CACNA2D1: variants seen among roughly 807,000 people sequenced by gnomAD.
CACNA2D1 encodes voltage-dependent calcium channel subunit alpha-2/delta-1.
CACNA2D1 carries 53 observed loss-of-function variants against 171.5 expected under a neutral mutation model. The observed-to-expected ratio is 0.31, with a 90% confidence interval of 0.25 to 0.39. The LOEUF (loss-of-function observed/expected upper bound fraction) is 0.39. Ranked by LOEUF, CACNA2D1 falls within the 10% of genes least tolerant of loss-of-function variation. CACNA2D1 has a pLI of 1.00. For synonymous variants in CACNA2D1, 442 were observed against 443.1 expected (o/e 1.00, Z 0.03); for missense variants, 903 against 1,299.8 (o/e 0.69, Z 4.69).
intron 1 of CACNA2D1, among the ~76,000 whole-genome samples, chr7:82,405,996 C>T (rs920534698): frequency 2.4e-4 from 37 of 152,006 alleles, no homozygotes; most frequent in African/African-American, 8.9e-4. Context: ...CCCATTAACT[C>T]GTCATTTAAC....
At chr7:82,220,266 G>A (rs1220673050) in intron 3 of CACNA2D1, among the ~76,000 whole-genome samples, 2 of 152,064 alleles carry the variant, frequency 1.3e-5, no homozygotes. Context: ...ATAGATTGAC[G>A]GTAATTATTT....
intron 3 of CACNA2D1, among the ~76,000 whole-genome samples, chr7:82,176,756 G>T (rs4732431): frequency 6.6e-6 from 1 of 151,312 alleles, no homozygotes; most frequent in Admixed American, 6.6e-5. Flanking sequence ...ACTAAGGCTC[G>T]TTATATGCAA....
At chr7:82,342,041 G>C (rs1276469262) in intron 2 of CACNA2D1, among the ~76,000 whole-genome samples, 1 of 119,252 alleles carries the variant, frequency 8.4e-6, no homozygotes, top group Non-Finnish European at 1.6e-5. Flanking sequence ...GCTACAGCGC[G>C]AGACTCCGTC....
chr7:82,189,714 G>C (rs1302524282), intron 3 of CACNA2D1, among the ~76,000 whole-genome samples: 1 of 151,764 alleles, frequency 6.6e-6, no homozygotes, highest in African/African-American at 2.4e-5. Flanking sequence ...AAAAGAGCTT[G>C]ACACAGAAAA....
In CACNA2D1 at chr7:82,114,760, GAAA is replaced by G. The variant is rs34240770; in HGVS notation, c.526+2281_526+2283del. On this transcript the variant is annotated intron_variant, in intron 6 of 38. Coordinates refer to ENST00000356860, the MANE Select transcript of CACNA2D1 (RefSeq NM_000722.4). Reference sequence around the variant, plus strand: ...AAGGGAGTGAGACTCCGTCCCAGAAGAAAAAAAAAAAAAAAAAAAGAAACAGAA... The same window carrying G: ...AAGGGAGTGAGACTCCGTCCCAGAAGAAAAAAAAAAAAAAAAGAAACAGAA... Among the ~76,000 whole-genome samples, 122 of 103,084 alleles carry G rather than the reference GAAA, an allele frequency of 1.2e-3. 1 individual carries two copies. In the South Asian group the frequency reaches 0.035, roughly 29 times the overall value. The allele number at this position is 103,084 out of a possible 152,430, so 67.6% of individuals were successfully genotyped here. A position where few individuals can be genotyped will look rare whatever the true frequency, so the allele number is the denominator to read the frequency against.
chr7:82,075,214 A>G (rs1563006018), intron 7 of CACNA2D1, among the ~76,000 whole-genome samples: 2 of 92,742 alleles, frequency 2.2e-5, no homozygotes, highest in African/African-American at 2.9e-5. Context: ...ATAAATCACC[A>G]TAATTAAAAA....
chr7:82,100,386 C>A (rs1198528341), intron 6 of CACNA2D1, among the ~76,000 whole-genome samples: 2 of 151,954 alleles, frequency 1.3e-5, no homozygotes, highest in Non-Finnish European at 2.9e-5. Flanking sequence ...AATTCACATC[C>A]TTTATTAAAA....
At chr7:82,147,093 CA>C (rs1008295454) in intron 4 of CACNA2D1, among the ~76,000 whole-genome samples, 26 of 140,170 alleles carry the variant, frequency 1.9e-4, no homozygotes, top group African/African-American at 3.2e-4. Context: ...TCATAACAGT[CA>C]AAAAAAAAGT....
At chr7:82,054,192 G>T (rs1805537090) in intron 10 of CACNA2D1, among the ~76,000 whole-genome samples, 1 of 152,118 alleles carries the variant, frequency 6.6e-6, no homozygotes, top group African/African-American at 2.4e-5. Flanking sequence ...TTCATTCAAA[G>T]CTTGCTTAAT....
At chr7:82,302,592 T>C (rs1009389062) in intron 3 of CACNA2D1, among the ~76,000 whole-genome samples, 2 of 152,012 alleles carry the variant, frequency 1.3e-5, no homozygotes, top group East Asian at 1.9e-4. Context: ...TTTGTATTTT[T>C]AGTAGAGATA....
rs1431276071 is a variant in CACNA2D1, at chr7:82,116,982, T to C, written c.526+62A>G. 8 of 1,574,798 alleles carry C rather than the reference T, an allele frequency of 5.1e-6. No individual in the cohort carries two copies. In the South Asian group the frequency reaches 5.5e-5, roughly 11 times the overall value. ...TGCTCTTTTTTTTCCCCCTCAAACA[T>C]GGGAAACATAAGACAGGCGAGAGCA... is the stretch of plus-strand genomic sequence containing the variant. On this transcript the variant is annotated intron_variant, in intron 6 of 38. Coordinates refer to ENST00000356860, the MANE Select transcript of CACNA2D1 (RefSeq NM_000722.4).
At chr7:82,200,636 T>C (rs1256852355) in intron 3 of CACNA2D1, among the ~76,000 whole-genome samples, 1 of 152,212 alleles carries the variant, frequency 6.6e-6, no homozygotes, top group East Asian at 1.9e-4. Flanking sequence ...ATCCTTTACT[T>C]TGATCCTTCA....
intron 15 of CACNA2D1, 45 bp downstream of exon 15, chr7:82,012,109 T>G (rs1292526691): frequency 9.1e-7 from 1 of 1,096,354 alleles, no homozygotes; most frequent in Admixed American, 1.7e-5. Context: ...ATCATCTGTG[T>G]GCTTTTGTTA....
chr7:82,372,885 T>G (rs4732445), intron 1 of CACNA2D1, among the ~76,000 whole-genome samples: 45 of 151,990 alleles, frequency 3.0e-4, no homozygotes, highest in Admixed American at 3.0e-3. Context: ...ATTAATAATA[T>G]GAATAAACAC....
At chr7:82,008,531 T>C (rs1799382797) in intron 15 of CACNA2D1, among the ~76,000 whole-genome samples, 1 of 152,072 alleles carries the variant, frequency 6.6e-6, no homozygotes, top group East Asian at 1.9e-4. Flanking sequence ...CAAGTCAGAG[T>C]TTGCTTTTGT....
At chr7:82,318,876 GGGA>G (rs1370575607) in intron 3 of CACNA2D1, among the ~76,000 whole-genome samples, 2 of 139,334 alleles carry the variant, frequency 1.4e-5, no homozygotes, top group South Asian at 2.3e-4. Flanking sequence ...CAGAGGAAGA[GGGA>G]GAAGAAGAAG....
At chr7:82,109,917 A>C (rs1788176590) in intron 6 of CACNA2D1, among the ~76,000 whole-genome samples, 1 of 152,160 alleles carries the variant, frequency 6.6e-6, no homozygotes, top group Non-Finnish European at 1.5e-5. Context: ...GTTAGGTTCT[A>C]TATTCTTGTC....
chr7:82,078,559 C>T (rs1291797742), intron 7 of CACNA2D1, among the ~76,000 whole-genome samples: 1 of 152,150 alleles, frequency 6.6e-6, no homozygotes, highest in Non-Finnish European at 1.5e-5. Flanking sequence ...CCAATGAGCA[C>T]ATATTCAAGG....
At chr7:82,187,461 T>C (rs955665200) in intron 3 of CACNA2D1, among the ~76,000 whole-genome samples, 12 of 152,140 alleles carry the variant, frequency 7.9e-5, no homozygotes, top group Non-Finnish European at 1.8e-4. Flanking sequence ...TAGTATTTAT[T>C]ACTCCAGCAA....
Sources: gnomAD v4.1 joint callset for allele counts (sites outside exome capture counted in the v4.1 genomes callset) on GRCh38, gnomAD v4.1.1 for gene constraint, MANE v1.5 for transcripts, NCBI Gene and HGNC (gene_info 2026-07-23, HGNC 2026-07-21) for gene names.